The following CLCN3 variants were observed in gnomAD, a reference collection of about 807,000 sequenced individuals.
CLCN3 encodes Cl-/H+ antiporter 3.
A neutral mutation model predicts 83.4 loss-of-function variants in CLCN3; 16 were observed. The ratio of observed to expected loss-of-function variants is 0.19; its 90% CI spans 0.13 to 0.29. The LOEUF is 0.29. CLCN3 is among the 10% of genes least tolerant of loss of function. The pLI, the probability that CLCN3 is intolerant of heterozygous loss-of-function variation, is 1.00. For missense variants in CLCN3, 544 were observed against 1,006.0 expected, an observed-to-expected ratio of 0.54 and a Z score of 6.21; for synonymous variants, 322 against 346.2, an observed-to-expected ratio of 0.93 and a Z score of 0.78.
chr4:169,683,367 C>A (rs963277296), intron 3 of CLCN3, among the ~76,000 whole-genome samples: 6 of 152,080 alleles, frequency 3.9e-5, no homozygotes, highest in African/African-American at 1.4e-4. Context: ...TAGTGTCTTG[C>A]GCCTATAGTC....
Position 169,690,562 on chromosome 4 carries a change from G to A in CLCN3, c.639G>A (p.Met213Ile). 1.2e-6 allele frequency: 2 copies of A among 1,613,804 alleles called. No homozygotes were observed. The highest frequency in any genetic ancestry group is 2.2e-5 in the South Asian group (2 of 91,064). ...GPGSYIMNYIMYIFWALSFAF... is the reference protein window; with the variant it reads ...GPGSYIMNYIIYIFWALSFAF... ...GTTCTTATATCATGAACTACATAAT[G>A]TACATCTTCTGGGCCTTGAGTTTTG... Residue 213 changes from methionine to isoleucine, a missense_variant, in exon 6 of 13, where the codon ATG becomes ATA. By Grantham distance (10) the Met-to-Ile change is conservative (BLOSUM62 1). Transcript: ENST00000513761.
chr4:169,681,786 A>G (rs1250819903), intron 3 of CLCN3, among the ~76,000 whole-genome samples: 1 of 152,158 alleles, frequency 6.6e-6, no homozygotes, highest in Non-Finnish European at 1.5e-5. Context: ...ACGAAACTAT[A>G]TTTTCAAAAA....
chr4:169,666,852 C>T (rs1216461947), intron 2 of CLCN3, among the ~76,000 whole-genome samples: 1 of 152,158 alleles, frequency 6.6e-6, no homozygotes, highest in Non-Finnish European at 1.5e-5. Context: ...TAATATCTGT[C>T]ACATTGTGTT....
At chr4:169,686,420 T>C (rs934926320) in intron 3 of CLCN3, among the ~76,000 whole-genome samples, 8 of 110,740 alleles carry the variant, frequency 7.2e-5, no homozygotes, top group African/African-American at 2.5e-4. Flanking sequence ...GAAAATTGAC[T>C]TTTTTTTTTT....
intron 7 of CLCN3, among the ~76,000 whole-genome samples, chr4:169,694,888 AC>A (rs1732507787): frequency 6.6e-6 from 1 of 152,078 alleles, no homozygotes; most frequent in Non-Finnish European, 1.5e-5. Context: ...TACAAATAAA[AC>A]CCTAGTGAAA....
intron 2 of CLCN3, among the ~76,000 whole-genome samples, chr4:169,659,202 A>G (rs1204438983): frequency 6.6e-6 from 1 of 152,194 alleles, no homozygotes; most frequent in African/African-American, 2.4e-5. Flanking sequence ...CAGGAGGAGA[A>G]TCTCCCAGTC....
At position 169,713,171 on chromosome 4, in the gene CLCN3, C is replaced by T; in HGVS notation, c.2242C>T (p.Pro748Ser). ...TPSLPAESPR[P>S]LKLRSILDMS... ...ATCTCTTCCAGCAGAAAGTCCTCGG[C>T]CATTGAAGCTTCGAAGCATTCTTGA... is the stretch of plus-strand genomic sequence containing the variant. The change falls in exon 12 of 13, where the codon CCA (proline) becomes TCA (serine). Residue 748 changes from proline to serine, a missense_variant. By Grantham distance (74) the Pro-to-Ser change is moderately conservative. Coordinates refer to ENST00000513761, the MANE Select transcript of CLCN3 (RefSeq NM_001829.4). 6.2e-7 allele frequency: 1 copy of T among 1,614,092 alleles called. No homozygotes were observed. The highest frequency in any genetic ancestry group is 8.5e-7 in the Non-Finnish European group (1 of 1,179,972).
At chr4:169,715,416 A>G (rs1733387231) in intron 12 of CLCN3, among the ~76,000 whole-genome samples, 1 of 152,114 alleles carries the variant, frequency 6.6e-6, no homozygotes, top group African/African-American at 2.4e-5. Flanking sequence ...TGATACATAT[A>G]TGGGGAGAAA....
rs1292552156 is a variant in CLCN3 at position 169,713,896 on chromosome 4, G to A, written c.2366+601G>A. Reference sequence around the variant, plus strand: ...CTGCTAAGGACAAATAAATACTCATGTATTTAAAATGTATACATTGATAAT... The same window carrying A: ...CTGCTAAGGACAAATAAATACTCATATATTTAAAATGTATACATTGATAAT... On this transcript the variant is annotated intron_variant, in intron 12 of 12. Transcript: ENST00000513761. 2.7e-4 allele frequency among the ~76,000 whole-genome samples: 41 copies of A among 152,202 alleles called. 1 individual carries two copies. The highest frequency in any genetic ancestry group is 4.4e-5 in the Non-Finnish European group (3 of 68,006).
intron 3 of CLCN3, among the ~76,000 whole-genome samples, chr4:169,681,384 T>A (rs1731931403): frequency 6.6e-6 from 1 of 152,250 alleles, no homozygotes; most frequent in South Asian, 2.1e-4. Flanking sequence ...GGAAATTTAC[T>A]TGTCAATGAA....
chr4:169,684,962 C>T (rs551959013), intron 3 of CLCN3, among the ~76,000 whole-genome samples: 151 of 148,896 alleles, frequency 1.0e-3, no homozygotes, highest in Non-Finnish European at 1.9e-3. Context: ...GTGCACACCA[C>T]CATGCCTGGC....
intron 2 of CLCN3, among the ~76,000 whole-genome samples, chr4:169,650,584 G>A (rs1242933479): frequency 6.6e-6 from 1 of 152,170 alleles, no homozygotes; most frequent in Non-Finnish European, 1.5e-5. Flanking sequence ...GTTTTTGTAA[G>A]AAATTCTTAA....
Position 169,720,232 on chromosome 4 carries a change from GA to G in CLCN3, c.*238del, listed in dbSNP as rs1050291180. 4.9e-6 allele frequency: 3 copies of G among 609,136 alleles called. No homozygotes were observed. Among genetic ancestry groups the G allele is most frequent in the Non-Finnish European group, 8.6e-6 (3 of 347,430 alleles). 37.7% of individuals were successfully genotyped at this position (609,136 alleles called of 1,614,324 possible). A position where few individuals can be genotyped will look rare whatever the true frequency, so the allele number is the denominator to read the frequency against. On this transcript the variant is annotated 3_prime_UTR_variant, in exon 13 of 13. Transcript: ENST00000513761. ...GGAGTGAGGTATTTCCCGTCTAACAGAAAGCAGCGTATCAACTCCTATTGTT... is the reference window on the plus strand; with the variant it reads ...GGAGTGAGGTATTTCCCGTCTAACAGAAGCAGCGTATCAACTCCTATTGTT...
intron 12 of CLCN3, among the ~76,000 whole-genome samples, chr4:169,718,543 G>A (rs765924537): frequency 2.0e-5 from 3 of 152,128 alleles, no homozygotes; most frequent in East Asian, 1.9e-4. Flanking sequence ...TTTCTGGAAC[G>A]CTATAAGCAG....
chr4:169,676,458 A>T (rs905277884), intron 2 of CLCN3, among the ~76,000 whole-genome samples: 4 of 151,382 alleles, frequency 2.6e-5, no homozygotes, highest in South Asian at 2.1e-4. Context: ...TTTCACTTGG[A>T]TTATCATATT....
chr4:169,621,587 G>A (rs567080763), intron 1 of CLCN3, among the ~76,000 whole-genome samples: 1 of 152,258 alleles, frequency 6.6e-6, no homozygotes, highest in South Asian at 2.1e-4. Context: ...TAGAAACTGA[G>A]ATTTCTGTTT....
rs1733299159 is a variant in CLCN3 at position 169,713,376 on chromosome 4, A to C, written c.2366+81A>C. On this transcript the variant is annotated intron_variant, in intron 12 of 12. Transcript: ENST00000513761. ...GTGGAATCTATATAGTTATTAGGGG[A>C]GCATGTGAGTCAGCTCCCAGGTGGG... 7.3e-6 allele frequency: 8 copies of C among 1,096,622 alleles called. No homozygotes were observed. In the South Asian group the frequency reaches 9.1e-5, roughly 12 times the overall value. The allele number at this position is 1,096,622 out of a possible 1,614,324, so 67.9% of individuals were successfully genotyped here.
chr4:169,669,966 GTTGT>G (rs1449787439), intron 2 of CLCN3, among the ~76,000 whole-genome samples: 29 of 152,268 alleles, frequency 1.9e-4, no homozygotes, highest in Admixed American at 1.6e-3. Context: ...TTTTGATGGG[GTTGT>G]TTGTTTTTTT....
intron 11 of CLCN3, among the ~76,000 whole-genome samples, chr4:169,712,020 G>T (rs1041091776): frequency 1.4e-4 from 17 of 125,326 alleles, no homozygotes; most frequent in African/African-American, 4.9e-4. Flanking sequence ...ATGCTTGGCC[G>T]ATTTTTTTTT....
Sources: allele counts gnomAD v4.1 joint callset (sites outside exome capture counted in the v4.1 genomes callset), GRCh38; gene constraint gnomAD v4.1.1; transcripts MANE v1.5; gene names NCBI Gene and HGNC (gene_info 2026-07-23, HGNC 2026-07-21).